Variants in TAMM41 observed in about 807,000 individuals in gnomAD.
The protein encoded by TAMM41 is TAM41 mitochondrial translocator assembly and maintenance homolog.
TAMM41 carries 36 observed loss-of-function variants against 44.1 expected under a neutral mutation model. That is an observed-to-expected ratio of 0.82 (90% CI 0.63 to 1.08). The LOEUF is 1.08. TAMM41 is among the 50% of genes least tolerant of loss of function. The probability of loss-of-function intolerance (pLI) is 0.00; values close to 1 mark genes in which losing one functional copy is unlikely to be tolerated. For missense variants in TAMM41, 417 were observed against 404.3 expected, an observed-to-expected ratio of 1.03 and a Z score of -0.27; for synonymous variants, 164 against 153.1, an observed-to-expected ratio of 1.07 and a Z score of -0.53.
the TAMM41 span, among the ~76,000 whole-genome samples, chr3:11,784,362 G>C: frequency 6.6e-6 from 1 of 152,192 alleles, no homozygotes. Flanking sequence ...AGGTGTGGTG[G>C]TGTGAGCCTG....
At chr3:11,807,144 G>T in intron 7 of TAMM41, 4 of 1,234,114 alleles carry the variant, frequency 3.2e-6, no homozygotes, top group Non-Finnish European at 4.0e-6. Flanking sequence ...CAGTAAATGG[G>T]GGACCCCCTA....
At chr3:11,748,422 C>T in the TAMM41 span, among the ~76,000 whole-genome samples, 2 of 151,806 alleles carry the variant, frequency 1.3e-5, no homozygotes, top group Admixed American at 6.6e-5. Flanking sequence ...GCTGGAACTA[C>T]AGGCGGCTGC....
chr3:11,761,501 T>C, the TAMM41 span, among the ~76,000 whole-genome samples: 1 of 152,124 alleles, frequency 6.6e-6, no homozygotes, highest in Admixed American at 6.6e-5. Flanking sequence ...CCCAGGTCAC[T>C]GCAAAGACTG....
chr3:11,830,486 T>C (rs2078936228), intron 3 of TAMM41, among the ~76,000 whole-genome samples: 1 of 152,220 alleles, frequency 6.6e-6, no homozygotes. Flanking sequence ...AAATGTAAAG[T>C]GCCTAGAATA....
At chr3:11,752,353 G>T in the TAMM41 span, among the ~76,000 whole-genome samples, 5 of 152,064 alleles carry the variant, frequency 3.3e-5, no homozygotes, top group Non-Finnish European at 5.9e-5. Flanking sequence ...GACCCGAGTG[G>T]GTTGCTGCTG....
At chr3:11,791,251 G>A (rs779583266) in intron 7 of TAMM41, among the ~76,000 whole-genome samples, 6 of 152,198 alleles carry the variant, frequency 3.9e-5, no homozygotes, top group Non-Finnish European at 8.8e-5. Flanking sequence ...CACAGCAGGT[G>A]CTCTGTGAAA....
chr3:11,840,074 T>C (rs897848997), intron 2 of TAMM41, among the ~76,000 whole-genome samples: 21 of 152,042 alleles, frequency 1.4e-4, no homozygotes, highest in African/African-American at 4.1e-4. Flanking sequence ...TCCACACCTG[T>C]ATGATTGCAT....
the TAMM41 span, among the ~76,000 whole-genome samples, chr3:11,774,219 C>A: frequency 6.6e-6 from 1 of 152,242 alleles, no homozygotes. Flanking sequence ...ACTCTATGAA[C>A]GCACACTTTG....
the TAMM41 span, among the ~76,000 whole-genome samples, chr3:11,749,803 G>C: frequency 0.15 from 23,356 of 152,148 alleles, 2,338 homozygotes; most frequent in Middle Eastern, 0.28. Flanking sequence ...GCTTTGGTTA[G>C]TGAGACCCAC....
At chr3:11,826,511 A>G (rs2078756269) in intron 4 of TAMM41, among the ~76,000 whole-genome samples, 1 of 135,710 alleles carries the variant, frequency 7.4e-6, no homozygotes, top group African/African-American at 2.9e-5. Flanking sequence ...CTTGGGCGAC[A>G]GAGTGAGACC....
chr3:11,751,906 CAG>C, the TAMM41 span, among the ~76,000 whole-genome samples: 1 of 152,160 alleles, frequency 6.6e-6, no homozygotes. Context: ...TGTTTGCTTA[CAG>C]AGAGTCCTGG....
In TAMM41 at chr3:11,843,946, C is replaced by G. The variant is rs145363562; in HGVS notation, c.318+83G>C. 350 of 1,427,722 alleles carry G rather than the reference C, an allele frequency of 2.5e-4. 4 individuals carry two copies. The East Asian group carries it at 7.3e-3, about 30-fold the overall frequency. 88.4% of individuals were successfully genotyped at this position (1,427,722 alleles called of 1,614,324 possible). On this transcript the variant is annotated intron_variant, in intron 2 of 7. Transcript: ENST00000455809. ...CAGGAGTGTGAATGTTTCCTGACCA[C>G]AAGAACATACATATTTAGCTGGCAC...
intron 3 of TAMM41, among the ~76,000 whole-genome samples, chr3:11,836,266 C>T (rs1283065067): frequency 6.6e-6 from 1 of 152,172 alleles, no homozygotes; most frequent in African/African-American, 2.4e-5. Flanking sequence ...GCTGGGATTA[C>T]AGGCATGAGT....
the TAMM41 span, among the ~76,000 whole-genome samples, chr3:11,755,005 T>C: frequency 6.6e-6 from 1 of 151,988 alleles, no homozygotes; most frequent in Admixed American, 6.6e-5. Context: ...TGGCCTCAGA[T>C]CTCTCTTCTC....
At chr3:11,795,745 G>GT (rs1236677872) in intron 7 of TAMM41, among the ~76,000 whole-genome samples, 3 of 152,150 alleles carry the variant, frequency 2.0e-5, no homozygotes, top group African/African-American at 7.2e-5. Context: ...TACTCAGACA[G>GT]TTCCCCTTCT....
At chr3:11,806,767 C>T (rs1175351089) in intron 7 of TAMM41, among the ~76,000 whole-genome samples, 1 of 152,044 alleles carries the variant, frequency 6.6e-6, no homozygotes, top group Non-Finnish European at 1.5e-5. Flanking sequence ...ACAGATAAAA[C>T]AGATAAAAAC....
intron 4 of TAMM41, among the ~76,000 whole-genome samples, chr3:11,819,667 G>A (rs559115854): frequency 5.3e-5 from 8 of 152,236 alleles, no homozygotes; most frequent in South Asian, 2.1e-4. Flanking sequence ...GGCCAAGGCC[G>A]GGGGAATGTT....
At chr3:11,752,730 G>A in the TAMM41 span, among the ~76,000 whole-genome samples, 1 of 135,648 alleles carries the variant, frequency 7.4e-6, no homozygotes, top group African/African-American at 2.7e-5. Context: ...GCCTCCAATT[G>A]CTGGGCTCAA....
At chr3:11,747,102 ACCCAGG>A in the TAMM41 span, among the ~76,000 whole-genome samples, 1 of 152,092 alleles carries the variant, frequency 6.6e-6, no homozygotes, top group African/African-American at 2.4e-5. Context: ...TCCTTCTGTC[ACCCAGG>A]CTGGAGTGTA....
Sources: gnomAD v4.1 joint callset for allele counts (sites outside exome capture counted in the v4.1 genomes callset) on GRCh38, gnomAD v4.1.1 for gene constraint, MANE v1.5 for transcripts, NCBI Gene and HGNC (gene_info 2026-07-23, HGNC 2026-07-21) for gene names.